The following CDIN1 variants were observed in gnomAD, a reference collection of about 807,000 sequenced individuals.
CDIN1 encodes the protein CDAN1 interacting nuclease 1, also known as CDAN1-interacting nuclease 1.
In CDIN1, 33 loss-of-function variants were observed where a neutral mutation model predicts 45.3. The observed-to-expected ratio is 0.73, with a 90% CI of 0.55 to 0.97. The LOEUF is 0.97. CDIN1 is among the 50% of genes least tolerant of loss of function. CDIN1 has a pLI of 0.00. For synonymous variants in CDIN1, 118 were observed against 124.4 expected (o/e 0.95, Z 0.34); for missense variants, 303 against 339.4 (o/e 0.89, Z 0.84).
chr15:36,704,830 T>C (rs2042804036), intron 8 of CDIN1: 1 of 152,164 alleles, frequency 6.6e-6, no homozygotes, highest in African/African-American at 2.4e-5. Context: ...ATGATTTTTA[T>C]GGAAATGACT....
At chr15:36,597,170 C>T (rs774253729) in intron 1 of CDIN1, among the ~76,000 whole-genome samples, 49 of 152,136 alleles carry the variant, frequency 3.2e-4, no homozygotes, top group Admixed American at 2.6e-4. Context: ...CCTTTAAGTG[C>T]CCTATTCGGT....
chr15:36,619,469 TTCTATCTATCTA>T (rs58603040), intron 1 of CDIN1, among the ~76,000 whole-genome samples: 515 of 147,158 alleles, frequency 3.5e-3, no homozygotes, highest in Admixed American at 6.6e-3. Flanking sequence ...GCTGGAGGAT[TTCTATCTATCTA>T]TCTATCTATC....
intron 3 of CDIN1, among the ~76,000 whole-genome samples, chr15:36,648,991 A>G (rs1046124825): frequency 2.6e-5 from 4 of 152,174 alleles, no homozygotes; most frequent in Non-Finnish European, 2.9e-5. Context: ...CATAAGTGCT[A>G]GGAAAAAAAA....
intron 10 of CDIN1, among the ~76,000 whole-genome samples, chr15:36,753,334 G>A (rs1296982076): frequency 6.6e-6 from 1 of 152,072 alleles, no homozygotes; most frequent in Non-Finnish European, 1.5e-5. Context: ...GAAACCTGGA[G>A]CCCCAAACGG....
chr15:36,678,267 G>T (rs1288157207), intron 5 of CDIN1, among the ~76,000 whole-genome samples: 1 of 152,214 alleles, frequency 6.6e-6, no homozygotes, highest in Non-Finnish European at 1.5e-5. Context: ...GCAGGCCACT[G>T]GCAATATGGA....
chr15:36,741,039 C>T (rs963590520), intron 10 of CDIN1, among the ~76,000 whole-genome samples: 1 of 152,114 alleles, frequency 6.6e-6, no homozygotes, highest in Non-Finnish European at 1.5e-5. Flanking sequence ...TGGGCTCAAG[C>T]AATCTTCCTA....
At chr15:36,686,538 A>T (rs1056995603) in intron 5 of CDIN1, among the ~76,000 whole-genome samples, 1 of 150,090 alleles carries the variant, frequency 6.7e-6, no homozygotes, top group African/African-American at 2.5e-5. Flanking sequence ...GTGCACATGT[A>T]CCCTAAAACT....
intron 1 of CDIN1, among the ~76,000 whole-genome samples, chr15:36,632,970 A>G (rs1231123570): frequency 1.3e-5 from 2 of 152,216 alleles, no homozygotes; most frequent in African/African-American, 4.8e-5. Context: ...ACCTAAATTT[A>G]ATTAGAAATG....
rs151005521 is a variant in CDIN1, at chr15:36,668,998, A to AATTTCC, written c.346+11094_346+11099dup. ...TTACACTTGAGCCATATGAAGGATTAATTTCCCTTCTTCTTCGTTAGGTAC... is the reference window on the plus strand; with the variant it reads ...TTACACTTGAGCCATATGAAGGATTAATTTCCATTTCCCTTCTTCTTCGTTAGGTAC... On this transcript the variant is annotated intron_variant, in intron 5 of 10. Coordinates refer to ENST00000566621, the MANE Select transcript of CDIN1 (RefSeq NM_001321759.2). 23 of 152,228 alleles carry AATTTCC rather than the reference A, an allele frequency of 1.5e-4. No homozygotes were observed. The East Asian group carries it at 4.2e-3, about 28-fold the overall frequency. 9.4% of individuals were successfully genotyped at this position (152,228 alleles called of 1,614,324 possible).
intron 5 of CDIN1, among the ~76,000 whole-genome samples, chr15:36,689,075 G>A (rs1474820746): frequency 6.6e-6 from 1 of 152,052 alleles, no homozygotes; most frequent in Non-Finnish European, 1.5e-5. Flanking sequence ...GACTTCCTCT[G>A]GCAAGTTTCC....
chr15:36,658,438 A>C (rs1347562464), intron 5 of CDIN1: 2 of 152,230 alleles, frequency 1.3e-5, no homozygotes, highest in African/African-American at 4.8e-5. Context: ...CATGATTAAA[A>C]CCGGCTGTTA....
intron 1 of CDIN1, among the ~76,000 whole-genome samples, chr15:36,610,575 G>A (rs1253092160): frequency 6.6e-6 from 1 of 152,178 alleles, no homozygotes; most frequent in Non-Finnish European, 1.5e-5. Flanking sequence ...AACTGCGTGT[G>A]AGTGTGTATG....
At position 36,727,465 on chromosome 15, in the gene CDIN1, G is replaced by T. The variant is rs565823191; in HGVS notation, c.716+17504G>T. ...TTTCAGTGGAGTGATGGGTAATGAA[G>T]CTTGCTTGTGAAGGCAGCGAAAAAT... On this transcript the variant is annotated intron_variant, in intron 10 of 10. Coordinates refer to ENST00000566621, the MANE Select transcript of CDIN1 (RefSeq NM_001321759.2). 3.2e-4 allele frequency among the ~76,000 whole-genome samples: 48 copies of T among 152,214 alleles called. 1 individual carries two copies. The Middle Eastern group carries it at 0.01, about 33-fold the overall frequency.
intron 8 of CDIN1, chr15:36,706,049 C>G (rs1316664448): frequency 2.0e-5 from 3 of 152,114 alleles, no homozygotes; most frequent in African/African-American, 7.2e-5. Context: ...GTTTATGTTA[C>G]TTAAACATCT....
intron 1 of CDIN1, among the ~76,000 whole-genome samples, chr15:36,619,640 A>T (rs1305604447): frequency 6.6e-6 from 1 of 152,158 alleles, no homozygotes; most frequent in East Asian, 1.9e-4. Context: ...AGGAAAAAAA[A>T]AAACAACATT....
At chr15:36,769,304 G>A (rs527523006) in intron 10 of CDIN1, among the ~76,000 whole-genome samples, 5 of 152,214 alleles carry the variant, frequency 3.3e-5, no homozygotes, top group Admixed American at 1.3e-4. Flanking sequence ...AGGATAGGCC[G>A]GCAGACTGGA....
chr15:36,643,099 T>G (rs1437877362), intron 1 of CDIN1, among the ~76,000 whole-genome samples: 2 of 152,218 alleles, frequency 1.3e-5, no homozygotes, highest in African/African-American at 2.4e-5. Flanking sequence ...CAGACTATAA[T>G]GGATTTATTA....
rs181673571 is a variant in CDIN1 at position 36,669,592 on chromosome 15, A to G, written c.346+11687A>G. On this transcript the variant is annotated intron_variant, in intron 5 of 10. Coordinates refer to ENST00000566621, the MANE Select transcript of CDIN1 (RefSeq NM_001321759.2). ...AAGAAACCCTCACTGGTACCTTACT[A>G]TTATTGATTGCACTCCAGACGTAAT... Among the ~76,000 whole-genome samples the G allele has an allele frequency of 3.3e-5, 5 of 152,090 alleles. No homozygotes were observed. In the East Asian group the frequency reaches 9.7e-4, roughly 29 times the overall value.
intron 10 of CDIN1, among the ~76,000 whole-genome samples, chr15:36,749,463 C>G (rs2053399081): frequency 6.6e-6 from 1 of 152,102 alleles, no homozygotes; most frequent in Non-Finnish European, 1.5e-5. Flanking sequence ...ACCAAGGTTT[C>G]TGAAGTTTCA....
Sources: gnomAD v4.1 joint callset for allele counts (sites outside exome capture counted in the v4.1 genomes callset) on GRCh38, gnomAD v4.1.1 for gene constraint, MANE v1.5 for transcripts, NCBI Gene and HGNC (gene_info 2026-07-23, HGNC 2026-07-21) for gene names.